Variants in ACTL6A observed in about 807,000 individuals in gnomAD.
ACTL6A encodes the protein actin-like protein 6A.
In ACTL6A, 5 loss-of-function variants were observed where a neutral mutation model predicts 59.2. The observed-to-expected ratio is 0.08, with a 90% CI of 0.04 to 0.18. ACTL6A has a LOEUF of 0.18. Among genes scored for constraint, ACTL6A ranks in the 10% least tolerant of loss-of-function variants. The pLI is 1.00. For missense variants in ACTL6A, 285 were observed against 526.9 expected (o/e 0.54, Z 4.49); for synonymous variants, 154 against 171.8 (o/e 0.90, Z 0.81).
rs1717711652 is a variant in ACTL6A, at chr3:179,563,061, C to A, written c.-32C>A. Reference sequence around the variant, plus strand: ...CCACTGCAGTCACTTCGCCAGTTAGCCCTTAGGGTAGGAGTCGCGCCGGCA... The same window carrying A: ...CCACTGCAGTCACTTCGCCAGTTAGACCTTAGGGTAGGAGTCGCGCCGGCA... On this transcript the variant is annotated 5_prime_UTR_variant, in exon 1 of 14. Coordinates refer to ENST00000429709, the MANE Select transcript of ACTL6A (RefSeq NM_004301.5). 2 of 1,609,672 alleles carry A rather than the reference C, an allele frequency of 1.2e-6. No homozygotes were observed. Among genetic ancestry groups the A allele is most frequent in the Non-Finnish European group, 1.7e-6 (2 of 1,179,316 alleles).
rs145235636 is a variant in ACTL6A at position 179,571,470 on chromosome 3, C to G, written c.277+1229C>G. 2.4e-4 allele frequency among the ~76,000 whole-genome samples: 37 copies of G among 151,298 alleles called. 2 individuals carry two copies. In the Middle Eastern group the frequency reaches 0.017, roughly 71 times the overall value. On this transcript the variant is annotated intron_variant, in intron 3 of 13. Transcript: ENST00000429709. ...CAAGCTTATCAGGGATAGCCAAAATCACTCTCAGGTTCAATTATTCACCAG... is the reference window on the plus strand; with the variant it reads ...CAAGCTTATCAGGGATAGCCAAAATGACTCTCAGGTTCAATTATTCACCAG...
At chr3:179,576,589 C>T in intron 6 of ACTL6A, 31 bp from the exon 7 acceptor site, 1 of 1,537,370 alleles carries the variant, frequency 6.5e-7, no homozygotes, top group Non-Finnish European at 9.0e-7. Context: ...GGACTTACTG[C>T]CCTCTTAGCC....
In ACTL6A at chr3:179,577,656, A is replaced by C. The variant is rs558286966; in HGVS notation, c.768+743A>C. On this transcript the variant is annotated intron_variant, in intron 8 of 13. Transcript: ENST00000429709. ...TTCCCTCGTCCCTCAGGGAGGTCCA[A>C]CTGTCTGTTGTTCCCTTCTTTGTGT... Among the ~76,000 whole-genome samples, 4 of 152,092 alleles carry C rather than the reference A, an allele frequency of 2.6e-5. No homozygotes were observed. The South Asian group carries it at 8.3e-4, about 32-fold the overall frequency.
In ACTL6A at chr3:179,576,675, C is replaced by A; in HGVS notation, c.627C>A (p.Leu209=). ...GDFITMQCRE[L]FQEMNIELVP... is the part of the protein sequence containing the mutation. Reference sequence around the variant, plus strand: ...TTATTACTATGCAGTGCAGAGAACTCTTCCAAGAAATGAATATTGAATTGG... The same window carrying A: ...TTATTACTATGCAGTGCAGAGAACTATTCCAAGAAATGAATATTGAATTGG... Residue 209 remains leucine, a synonymous_variant, in exon 7 of 14, where the codon CTC becomes CTA. Coordinates refer to ENST00000429709, the MANE Select transcript of ACTL6A (RefSeq NM_004301.5). The A allele has an allele frequency of 1.2e-6, 2 of 1,613,950 alleles. No individual in the cohort carries two copies. Among genetic ancestry groups the A allele is most frequent in the Non-Finnish European group, 1.7e-6 (2 of 1,179,858 alleles).
intron 1 of ACTL6A, among the ~76,000 whole-genome samples, chr3:179,565,818 A>AT (rs979165338): frequency 6.6e-6 from 1 of 151,984 alleles, no homozygotes; most frequent in Non-Finnish European, 1.5e-5. Flanking sequence ...TCACCCCCTA[A>AT]TTTTTTTTGA....
At chr3:179,568,565 G>T (rs1717910045) in intron 1 of ACTL6A, among the ~76,000 whole-genome samples, 1 of 150,640 alleles carries the variant, frequency 6.6e-6, no homozygotes, top group African/African-American at 2.4e-5. Context: ...GTGTATATGT[G>T]TATATATGTA....
intron 1 of ACTL6A, among the ~76,000 whole-genome samples, chr3:179,568,049 G>A (rs984706933): frequency 7.9e-5 from 12 of 151,772 alleles, no homozygotes; most frequent in African/African-American, 2.7e-4. Flanking sequence ...GTGCGCGTCT[G>A]TAGTCCCAGC....
Position 179,586,651 on chromosome 3 carries a change from T to C in ACTL6A, c.1209+19T>C. ...CTCTTTGGTTAGTAGATGAGCTACT[T>C]TGCAAAAATATTCTTACTGAATTAT... On this transcript the variant is annotated intron_variant, in intron 13 of 13. Coordinates refer to ENST00000429709, the MANE Select transcript of ACTL6A (RefSeq NM_004301.5). 6.4e-7 allele frequency: 1 copy of C among 1,571,102 alleles called. No homozygotes were observed. Among genetic ancestry groups the C allele is most frequent in the South Asian group, 1.2e-5 (1 of 85,020 alleles).
At chr3:179,586,379 C>CTT in intron 12 of ACTL6A, 167 bp from the exon 13 acceptor site, 1 of 488,562 alleles carries the variant, frequency 2.0e-6, no homozygotes, top group Non-Finnish European at 3.4e-6. Flanking sequence ...AATCCCAGCA[C>CTT]TTTGGGAGGC....
chr3:179,564,937 C>T (rs1380047311), intron 1 of ACTL6A, among the ~76,000 whole-genome samples: 1 of 147,284 alleles, frequency 6.8e-6, no homozygotes, highest in East Asian at 2.0e-4. Flanking sequence ...TGAGCTCAGG[C>T]GGTCTTCCCA....
Position 179,563,238 on chromosome 3 carries a change from CTCCCCGCCCCG to C in ACTL6A, c.25+132_25+142del, listed in dbSNP as rs1717721621. On this transcript the variant is annotated intron_variant, in intron 1 of 13. Transcript: ENST00000429709. ...GGTCTCCCCCTCTCGGGACCCCGGC[CTCCCCGCCCCG>C]TCCCCGCCCCACGCTCTGCCCGCCC... The C allele has an allele frequency of 5.5e-6, 8 of 1,444,774 alleles. No individual in the cohort carries two copies. In the South Asian group the frequency reaches 6.8e-5, roughly 12 times the overall value. The allele number at this position is 1,444,774 out of a possible 1,614,324, so 89.5% of individuals were successfully genotyped here.
chr3:179,584,283 A>AT (rs1363694652), intron 12 of ACTL6A: 2 of 152,226 alleles, frequency 1.3e-5, no homozygotes, highest in Non-Finnish European at 2.9e-5. Context: ...TGAGAAGGTA[A>AT]TTTATATAGT....
At chr3:179,583,670 T>C (rs1718400265) in intron 12 of ACTL6A, 2 of 379,074 alleles carry the variant, frequency 5.3e-6, no homozygotes, top group Non-Finnish European at 9.6e-6. Flanking sequence ...TAAATATGTA[T>C]AGTCTGCTAG....
chr3:179,578,856 C>T (rs1398997850), intron 8 of ACTL6A, among the ~76,000 whole-genome samples: 1 of 152,122 alleles, frequency 6.6e-6, no homozygotes, highest in African/African-American at 2.4e-5. Context: ...ACCTCCATCT[C>T]CTGGGTTCAA....
At chr3:179,569,752 G>T (rs1717946095) in intron 1 of ACTL6A, 72 bp from the exon 2 acceptor site, 2 of 1,298,054 alleles carry the variant, frequency 1.5e-6, no homozygotes, top group Non-Finnish European at 2.2e-6. Flanking sequence ...GGAGGTTGAG[G>T]CTGCAGTGAG....
chr3:179,575,427 A>C (rs1164470989), intron 5 of ACTL6A: 1 of 456,674 alleles, frequency 2.2e-6, no homozygotes, highest in South Asian at 1.5e-5. Flanking sequence ...TACTTCACTA[A>C]ACAGGATAAC....
chr3:179,564,337 T>C (rs1047902061), intron 1 of ACTL6A, among the ~76,000 whole-genome samples: 3 of 152,306 alleles, frequency 2.0e-5, no homozygotes, highest in South Asian at 2.1e-4. Context: ...TTCCTTCATG[T>C]TCCCCAAGAA....
intron 4 of ACTL6A, 117 bp from the exon 5 acceptor site, chr3:179,574,253 A>AT: frequency 1.9e-6 from 1 of 531,636 alleles, no homozygotes; most frequent in Admixed American, 3.1e-5. Flanking sequence ...TTCCCATGGT[A>AT]TTTTATTCTG....
chr3:179,574,342 T>C, intron 4 of ACTL6A, 28 bp from the exon 5 acceptor site: 1 of 1,417,866 alleles, frequency 7.1e-7, no homozygotes, highest in Non-Finnish European at 1.0e-6. Context: ...TCTTAATAAC[T>C]TGCATTTCTT....
Sources: allele counts gnomAD v4.1 joint callset (sites outside exome capture counted in the v4.1 genomes callset), GRCh38; gene constraint gnomAD v4.1.1; transcripts MANE v1.5; gene names NCBI Gene and HGNC (gene_info 2026-07-23, HGNC 2026-07-21).